NAV2: variants seen among roughly 807,000 people sequenced by gnomAD.
The protein encoded by NAV2 is neuron navigator 2, also known as helicase, APC down-regulated 1.
A neutral mutation model predicts 223.2 loss-of-function variants in NAV2; 54 were observed. The ratio of observed to expected loss-of-function variants is 0.24; its 90% CI spans 0.19 to 0.30. The LOEUF (loss-of-function observed/expected upper bound fraction) is 0.30, where lower values mean the gene tolerates loss of function less well. Among genes scored for constraint, NAV2 ranks in the 10% least tolerant of loss-of-function variants. NAV2 has a pLI of 1.00. For missense variants in NAV2, 2,806 were observed against 3,147.5 expected (o/e 0.89, Z 2.60); for synonymous variants, 1,279 against 1,239.3 (o/e 1.03, Z -0.67).
intron 1 of NAV2, among the ~76,000 whole-genome samples, chr11:19,748,126 G>T (rs757128692): frequency 1.6e-4 from 24 of 152,322 alleles, no homozygotes; most frequent in South Asian, 4.1e-4. Flanking sequence ...CAGTGGACTG[G>T]TGGAGGCAGA....
chr11:19,551,897 T>TTCTCTCTCTCTC (rs59538869), intron 1 of NAV2, among the ~76,000 whole-genome samples: 2 of 149,302 alleles, frequency 1.3e-5, no homozygotes, highest in African/African-American at 4.9e-5. Context: ...TCCTCTCCTC[T>TTCTCTCTCTCTC]TCTCTCTCTC....
At chr11:19,422,559 GCCC>G (rs1346480405) in intron 1 of NAV2, among the ~76,000 whole-genome samples, 1 of 151,452 alleles carries the variant, frequency 6.6e-6, no homozygotes, top group Non-Finnish European at 1.5e-5. Context: ...ACAGGAAGCC[GCCC>G]ATAAGGCCCT....
intron 4 of NAV2, among the ~76,000 whole-genome samples, chr11:19,872,037 T>C (rs1207241155): frequency 6.6e-6 from 1 of 152,188 alleles, no homozygotes; most frequent in Non-Finnish European, 1.5e-5. Flanking sequence ...GTGATGAAGA[T>C]ATGAGTGTTA....
chr11:20,048,837 C>T lies in NAV2; in HGVS notation c.4012C>T (p.Leu1338=). 6.2e-7 allele frequency: 1 copy of T among 1,614,130 alleles called. No individual in the cohort carries two copies. Among genetic ancestry groups the T allele is most frequent in the Non-Finnish European group, 8.5e-7 (1 of 1,179,992 alleles). The change falls in exon 15 of 38, where the codon CTA becomes TTA. Residue 1338 remains leucine (L), a synonymous_variant. Coordinates refer to ENST00000349880, the MANE Select transcript of NAV2 (RefSeq NM_145117.5). ...PHATMTQQGN[L]DSPSGSGVLS... The stretch of plus-strand genomic sequence containing the variant: ...TGCCACCATGACTCAGCAAGGTAAC[C>T]TAGACTCCCCGTCAGGCAGTGGCGT...
At chr11:19,626,139 A>G (rs1485129018) in intron 1 of NAV2, among the ~76,000 whole-genome samples, 1 of 151,634 alleles carries the variant, frequency 6.6e-6, no homozygotes, top group Non-Finnish European at 1.5e-5. Flanking sequence ...TTTCCCTTAT[A>G]TTTTCTTTGA....
upstream of NAV2, among the ~76,000 whole-genome samples, chr11:19,709,538 C>T (rs1435304301): frequency 1.0e-5 from 1 of 95,412 alleles, no homozygotes; most frequent in African/African-American, 4.2e-5. Flanking sequence ...CAGAGTGAGA[C>T]TCCGTCTCAA....
intron 1 of NAV2, among the ~76,000 whole-genome samples, chr11:19,550,381 T>G (rs564960928): frequency 1.3e-5 from 2 of 152,326 alleles, no homozygotes; most frequent in East Asian, 3.9e-4. Context: ...CAGGACTCTG[T>G]TAGAACCCGA....
chr11:19,588,835 C>T (rs917290606), intron 1 of NAV2, among the ~76,000 whole-genome samples: 5 of 152,214 alleles, frequency 3.3e-5, no homozygotes, highest in African/African-American at 1.2e-4. Context: ...TGGGCTTGGT[C>T]AGCCTCATTT....
intron 6 of NAV2, among the ~76,000 whole-genome samples, chr11:19,924,836 G>A (rs2044598422): frequency 1.3e-5 from 2 of 152,154 alleles, no homozygotes; most frequent in African/African-American, 4.8e-5. Flanking sequence ...AATAGTTTTT[G>A]TTTGTTTATT....
intron 1 of NAV2, among the ~76,000 whole-genome samples, chr11:19,494,774 G>C (rs2042740212): frequency 6.6e-6 from 1 of 152,210 alleles, no homozygotes; most frequent in African/African-American, 2.4e-5. Flanking sequence ...TGCATAGCCT[G>C]CCCTACAGGA....
At chr11:19,438,911 AG>A (rs1442789701) in intron 1 of NAV2, among the ~76,000 whole-genome samples, 1 of 151,224 alleles carries the variant, frequency 6.6e-6, no homozygotes, top group Non-Finnish European at 1.5e-5. Context: ...TTTTTTGTAG[AG>A]GTTTCATTAA....
intron 11 of NAV2, among the ~76,000 whole-genome samples, chr11:19,995,064 G>A (rs1435004331): frequency 6.6e-6 from 1 of 152,230 alleles, no homozygotes; most frequent in African/African-American, 2.4e-5. Flanking sequence ...AAGGAAAGGA[G>A]TGCAGTAGGA....
chr11:19,778,493 C>CCAAAAA (rs201234840), intron 1 of NAV2: 19 of 249,420 alleles, frequency 7.6e-5, no homozygotes, highest in African/African-American at 1.4e-4. Flanking sequence ...AAAGATGCTA[C>CCAAAAA]CAAAAACAAA....
At chr11:19,975,056 CT>C (rs2049590518) in intron 10 of NAV2, among the ~76,000 whole-genome samples, 2 of 152,274 alleles carry the variant, frequency 1.3e-5, no homozygotes, top group South Asian at 4.1e-4. Context: ...TAAGAAAGAG[CT>C]TAAAGGGGCT....
At chr11:19,802,258 C>T (rs2058312562) in intron 1 of NAV2, among the ~76,000 whole-genome samples, 1 of 151,970 alleles carries the variant, frequency 6.6e-6, no homozygotes, top group South Asian at 2.1e-4. Context: ...GGAAACTTGG[C>T]ATGGAGCTTG....
chr11:19,643,782 C>G (rs537397780), intron 1 of NAV2, among the ~76,000 whole-genome samples: 5 of 152,196 alleles, frequency 3.3e-5, no homozygotes, highest in African/African-American at 1.2e-4. Flanking sequence ...GTCCCACCAA[C>G]AGTGTAAAAG....
At chr11:19,504,357 G>A (rs540902234) in intron 1 of NAV2, 2 of 152,292 alleles carry the variant, frequency 1.3e-5, no homozygotes, top group East Asian at 1.9e-4. Context: ...ATCTTTCAAG[G>A]CTTCAATCCT....
intron 1 of NAV2, among the ~76,000 whole-genome samples, chr11:19,456,004 G>C (rs1393708312): frequency 6.6e-6 from 1 of 152,190 alleles, no homozygotes; most frequent in Admixed American, 6.5e-5. Flanking sequence ...CCTGCAGAGG[G>C]GGAGGGAAGG....
chr11:19,694,926 T>C (rs929162722), intron 1 of NAV2, among the ~76,000 whole-genome samples: 1 of 152,216 alleles, frequency 6.6e-6, no homozygotes, highest in African/African-American at 2.4e-5. Context: ...CGGAGCCTGT[T>C]TTCCCTTTCA....
Sources: gnomAD v4.1 joint callset for allele counts (sites outside exome capture counted in the v4.1 genomes callset) on GRCh38, gnomAD v4.1.1 for gene constraint, MANE v1.5 for transcripts, NCBI Gene and HGNC (gene_info 2026-07-23, HGNC 2026-07-21) for gene names.